The following ZBTB20 variants were observed in gnomAD, a reference collection of about 807,000 sequenced individuals.
The protein encoded by ZBTB20 is zinc finger and BTB domain-containing protein 20.
In ZBTB20, 9 loss-of-function variants were observed where a neutral mutation model predicts 56.9. That is an observed-to-expected ratio of 0.16 (90% CI 0.10 to 0.28). ZBTB20 has a LOEUF of 0.28. Among genes scored for constraint, ZBTB20 ranks in the 10% least tolerant of loss-of-function variants. The pLI is 1.00. For missense variants in ZBTB20, 655 were observed against 1,003.0 expected (o/e 0.65, Z 4.69); for synonymous variants, 417 against 420.7 (o/e 0.99, Z 0.11).
In ZBTB20 at chr3:114,322,791, G is replaced by C. The variant is rs573956757; in HGVS notation, c.*16214C>G. ...TAAATGGAGTTTTTCTGACTAACAA[G>C]GCTGACAACTTTCTGAACAATATTT... On this transcript the variant is annotated 3_prime_UTR_variant, in exon 12 of 12. Coordinates refer to ENST00000675478, the MANE Select transcript of ZBTB20 (RefSeq NM_001348800.3). 1.3e-5 allele frequency: 2 copies of C among 152,276 alleles called. No homozygotes were observed. The highest frequency in any genetic ancestry group is 3.9e-4 in the East Asian group (2 of 5,184). 9.4% of individuals were successfully genotyped at this position (152,276 alleles called of 1,614,324 possible).
chr3:114,530,408 G>C (rs9876894), intron 6 of ZBTB20, among the ~76,000 whole-genome samples: 76,561 of 152,052 alleles, frequency 0.5, 22,480 homozygotes, highest in East Asian at 0.8. Context: ...AAAAGCAATA[G>C]GCTATATCAT....
At chr3:114,840,125 T>C (rs939352090) in intron 4 of ZBTB20, among the ~76,000 whole-genome samples, 3 of 152,236 alleles carry the variant, frequency 2.0e-5, no homozygotes, top group Admixed American at 1.3e-4. Flanking sequence ...GGTTTCTCTA[T>C]ACTAATTGTG....
intron 1 of ZBTB20, among the ~76,000 whole-genome samples, chr3:115,089,883 C>T (rs1352138544): frequency 1.3e-5 from 2 of 151,736 alleles, no homozygotes; most frequent in Non-Finnish European, 3.0e-5. Flanking sequence ...TCTTATATAG[C>T]AGTATCAACT....
intron 7 of ZBTB20, among the ~76,000 whole-genome samples, chr3:114,432,259 A>G (rs1425813823): frequency 6.6e-6 from 1 of 152,188 alleles, no homozygotes; most frequent in African/African-American, 2.4e-5. Flanking sequence ...ACCTCAGGCC[A>G]GGACACCAAG....
chr3:115,034,504 G>T (rs1203788733), intron 2 of ZBTB20, among the ~76,000 whole-genome samples: 1 of 151,540 alleles, frequency 6.6e-6, no homozygotes, highest in Non-Finnish European at 1.5e-5. Flanking sequence ...GTATCACAAA[G>T]AATAATACTA....
Position 114,940,603 on chromosome 3 carries a change from T to C in ZBTB20, c.-456+33763A>G, listed in dbSNP as rs1256776718. ...CTTATTCAGCTTATGCATATTTCTT[T>C]TCCTTTAAAATCCATCAATAAATGA... On this transcript the variant is annotated intron_variant, in intron 3 of 11. Transcript: ENST00000675478. Among the ~76,000 whole-genome samples, 3 of 146,580 alleles carry C rather than the reference T, an allele frequency of 2.0e-5. No individual in the cohort carries two copies. In the East Asian group the frequency reaches 5.8e-4, roughly 28 times the overall value.
At chr3:114,697,710 A>C (rs2063131306) in intron 5 of ZBTB20, among the ~76,000 whole-genome samples, 1 of 151,948 alleles carries the variant, frequency 6.6e-6, no homozygotes, top group Non-Finnish European at 1.5e-5. Flanking sequence ...TATGCCATCT[A>C]ATGAATTCAG....
chr3:114,511,426 A>G (rs2045371622), intron 6 of ZBTB20, among the ~76,000 whole-genome samples: 3 of 152,136 alleles, frequency 2.0e-5, no homozygotes. Flanking sequence ...TGGACAAGAA[A>G]ATGACTTCTG....
At chr3:114,506,825 A>G (rs747114354) in intron 6 of ZBTB20, among the ~76,000 whole-genome samples, 13 of 152,052 alleles carry the variant, frequency 8.5e-5, no homozygotes, top group Non-Finnish European at 1.9e-4. Context: ...TTAATAAAAA[A>G]TTTTCCCACT....
intron 3 of ZBTB20, among the ~76,000 whole-genome samples, chr3:114,948,199 C>A (rs2076948234): frequency 6.9e-6 from 1 of 144,432 alleles, no homozygotes; most frequent in South Asian, 2.2e-4. Context: ...CTCAATAGAT[C>A]CAGAAATGTA....
At chr3:114,436,242 C>A (rs902424404) in intron 7 of ZBTB20, among the ~76,000 whole-genome samples, 5 of 152,072 alleles carry the variant, frequency 3.3e-5, no homozygotes, top group Admixed American at 6.6e-5. Context: ...GCAGGAGCAA[C>A]AACTGTTAAA....
At chr3:115,071,437 G>T (rs1233200357) in intron 1 of ZBTB20, 23 bp from the exon 2 acceptor site, 1 of 152,038 alleles carries the variant, frequency 6.6e-6, no homozygotes, top group African/African-American at 2.4e-5. Context: ...GAGTAAAGAA[G>T]AAATAGAAAG....
At chr3:114,458,362 T>C (rs371432836) in intron 7 of ZBTB20, among the ~76,000 whole-genome samples, 54 of 152,326 alleles carry the variant, frequency 3.5e-4, no homozygotes, top group African/African-American at 1.3e-3. Context: ...TGCTTTTTTT[T>C]CTAAATGATC....
intron 7 of ZBTB20, among the ~76,000 whole-genome samples, chr3:114,462,317 T>C (rs954715915): frequency 6.6e-6 from 1 of 152,210 alleles, no homozygotes; most frequent in African/African-American, 2.4e-5. Context: ...AAGGGTGTGA[T>C]GCTGAATGGA....
chr3:114,503,738 G>C (rs1481873353), intron 6 of ZBTB20, among the ~76,000 whole-genome samples: 1 of 151,854 alleles, frequency 6.6e-6, no homozygotes. Context: ...CAGAGAGAGG[G>C]GGATGACGAG....
At chr3:114,486,702 C>A (rs1188456835) in intron 7 of ZBTB20, among the ~76,000 whole-genome samples, 2 of 152,166 alleles carry the variant, frequency 1.3e-5, no homozygotes, top group Non-Finnish European at 2.9e-5. Flanking sequence ...TTTCATGAGA[C>A]ACACGGTTCT....
At chr3:114,683,138 C>G (rs1227496401) in intron 6 of ZBTB20, among the ~76,000 whole-genome samples, 1 of 152,086 alleles carries the variant, frequency 6.6e-6, no homozygotes, top group Non-Finnish European at 1.5e-5. Flanking sequence ...GTACCTTTTG[C>G]TGGACTATTC....
chr3:114,620,519 T>C (rs955005650), intron 6 of ZBTB20, among the ~76,000 whole-genome samples: 2 of 152,198 alleles, frequency 1.3e-5, no homozygotes, highest in African/African-American at 2.4e-5. Context: ...CTCGAACTCC[T>C]GACCTCAGGT....
chr3:114,865,903 T>C (rs748822765), intron 4 of ZBTB20, among the ~76,000 whole-genome samples: 6 of 152,212 alleles, frequency 3.9e-5, no homozygotes, highest in Non-Finnish European at 7.3e-5. Flanking sequence ...ACAGATAAGT[T>C]AACTAACTTG....
Sources: gnomAD v4.1 joint callset for allele counts (sites outside exome capture counted in the v4.1 genomes callset) on GRCh38, gnomAD v4.1.1 for gene constraint, MANE v1.5 for transcripts, NCBI Gene and HGNC (gene_info 2026-07-23, HGNC 2026-07-21) for gene names.